CCDC175: variants seen among roughly 807,000 people sequenced by gnomAD.
CCDC175 encodes coiled-coil domain-containing protein 175.
CCDC175 carries 100 observed loss-of-function variants against 114.6 expected under a neutral mutation model. The ratio of observed to expected loss-of-function variants is 0.87; its 90% CI spans 0.74 to 1.03. The LOEUF is 1.03. CCDC175 is among the 50% of genes least tolerant of loss of function. The pLI is 0.00. For synonymous variants in CCDC175, 306 were observed against 308.7 expected (o/e 0.99, Z 0.09); for missense variants, 880 against 917.8 (o/e 0.96, Z 0.53).
In CCDC175 at chr14:59,531,819, T is replaced by C. The variant is rs183462771; in HGVS notation, c.1715A>G (p.Tyr572Cys). The C allele has an allele frequency of 1.3e-4, 200 of 1,498,754 alleles. No individual in the cohort carries two copies. The East Asian group carries it at 4.6e-3, about 35-fold the overall frequency. 92.8% of individuals were successfully genotyped at this position (1,498,754 alleles called of 1,614,324 possible). A position where few individuals can be genotyped will look rare whatever the true frequency, so the allele number is the denominator to read the frequency against. Residue 572 changes from tyrosine to cysteine, a missense_variant, in exon 14 of 20, where the codon TAT (tyrosine) becomes TGT (cysteine). Physicochemically the swap from Tyr to Cys is radical, Grantham distance 194 (BLOSUM62 -2). Coordinates refer to ENST00000537690, the MANE Select transcript of CCDC175 (RefSeq NM_001164399.2). The part of the protein sequence containing the change: ...LPQLQVAEQE[Y>C]KEKRRKLEEL... ...TTCTAACTTTCTTCTTTTCTCTTTATACTCTTGTTCTGCCACCTGAAGTTG... is the reference window on the plus strand; with the variant it reads ...TTCTAACTTTCTTCTTTTCTCTTTACACTCTTGTTCTGCCACCTGAAGTTG...
At chr14:59,570,199 C>A (rs1473753198) in intron 3 of CCDC175, among the ~76,000 whole-genome samples, 2 of 152,096 alleles carry the variant, frequency 1.3e-5, no homozygotes, top group African/African-American at 4.8e-5. Context: ...AGCTGCTGGG[C>A]ACTGTGGACT....
intron 1 of CCDC175, 53 bp from the exon 2 acceptor site, chr14:59,575,081 C>T: frequency 9.7e-7 from 1 of 1,031,910 alleles, no homozygotes; most frequent in Non-Finnish European, 1.4e-6. Flanking sequence ...CCAAATCCTA[C>T]TTAACCTTTT....
At chr14:59,514,359 A>G (rs1372432326) in intron 17 of CCDC175, among the ~76,000 whole-genome samples, 1 of 152,210 alleles carries the variant, frequency 6.6e-6, no homozygotes, top group Non-Finnish European at 1.5e-5. Context: ...CAGACGATCA[A>G]ACTACTCAGA....
intron 16 of CCDC175, among the ~76,000 whole-genome samples, chr14:59,523,780 G>C (rs534727575): frequency 1.3e-5 from 2 of 152,290 alleles, no homozygotes; most frequent in African/African-American, 2.4e-5. Context: ...ACAAGGTCAG[G>C]AGATCGAGAC....
At chr14:59,505,435 C>T (rs1188415528) in intron 19 of CCDC175, 120 bp from the exon 20 acceptor site, 5 of 380,150 alleles carry the variant, frequency 1.3e-5, no homozygotes, top group Non-Finnish European at 2.1e-5. Context: ...ATTGTATAAT[C>T]GGGGTAGAGT....
chr14:59,552,573 A>G (rs1895590688), intron 7 of CCDC175, among the ~76,000 whole-genome samples: 1 of 152,216 alleles, frequency 6.6e-6, no homozygotes, highest in East Asian at 1.9e-4. Flanking sequence ...CCCCCCCTCC[A>G]AAAGAACACA....
At chr14:59,526,371 C>T (rs10133242) in intron 15 of CCDC175, among the ~76,000 whole-genome samples, 65,391 of 151,612 alleles carry the variant, frequency 0.43, 14,645 homozygotes, top group African/African-American at 0.54. Flanking sequence ...TTTGGGAGGC[C>T]GAGGCAGGCG....
chr14:59,549,929 T>C (rs191275037), intron 8 of CCDC175, among the ~76,000 whole-genome samples: 1 of 152,062 alleles, frequency 6.6e-6, no homozygotes, highest in Admixed American at 6.5e-5. Context: ...TTTCTCTTTT[T>C]TAGAGGGACT....
At chr14:59,531,947 T>G in intron 13 of CCDC175, 37 bp from the exon 14 acceptor site, 1 of 991,268 alleles carries the variant, frequency 1.0e-6, no homozygotes, top group Non-Finnish European at 1.5e-6. Flanking sequence ...AAATATAATT[T>G]TGGATAATTC....
chr14:59,553,221 T>C (rs376527009), intron 7 of CCDC175, among the ~76,000 whole-genome samples: 8 of 152,282 alleles, frequency 5.3e-5, no homozygotes, highest in East Asian at 1.9e-4. Context: ...AGAGAAAGGT[T>C]GGGTTACCCA....
At chr14:59,512,728 T>A (rs1390294797) in intron 17 of CCDC175, among the ~76,000 whole-genome samples, 1 of 151,964 alleles carries the variant, frequency 6.6e-6, no homozygotes, top group Non-Finnish European at 1.5e-5. Context: ...GATTAGAAAA[T>A]ATAATTTCAT....
intron 7 of CCDC175, 38 bp downstream of exon 7, chr14:59,561,081 C>A (rs528458589): frequency 1.8e-4 from 185 of 1,043,924 alleles, no homozygotes; most frequent in Non-Finnish European, 2.5e-4. Flanking sequence ...ATTAACATAT[C>A]TCGAAACATT....
At chr14:59,508,440 C>T (rs1004204863) in intron 19 of CCDC175, among the ~76,000 whole-genome samples, 3 of 30,502 alleles carry the variant, frequency 9.8e-5, no homozygotes, top group Admixed American at 3.8e-4. Flanking sequence ...ACACACACTG[C>T]AGCCAGGCAC....
chr14:59,550,971 T>C (rs541975288), intron 8 of CCDC175, among the ~76,000 whole-genome samples: 73 of 152,348 alleles, frequency 4.8e-4, no homozygotes, highest in African/African-American at 1.7e-3. Flanking sequence ...CAATATGATA[T>C]ATAATATTTA....
intron 13 of CCDC175, among the ~76,000 whole-genome samples, chr14:59,535,336 TC>T (rs1245958688): frequency 1.3e-5 from 2 of 152,202 alleles, no homozygotes; most frequent in Non-Finnish European, 2.9e-5. Flanking sequence ...CTACTGATCA[TC>T]TCATCTGCCA....
intron 8 of CCDC175, among the ~76,000 whole-genome samples, chr14:59,547,061 G>C (rs147961145): frequency 6.6e-6 from 1 of 152,036 alleles, no homozygotes. Context: ...GCAACACAGG[G>C]AGAATAGGAC....
chr14:59,505,228 G>A lies in CCDC175; in HGVS notation c.*11C>T, dbSNP rs2139930208. On this transcript the variant is annotated 3_prime_UTR_variant, in exon 20 of 20. Coordinates refer to ENST00000537690, the MANE Select transcript of CCDC175 (RefSeq NM_001164399.2). Reference sequence around the variant, plus strand: ...TCTGTCTTTTGAATTCACAGCAGTTGTATCCTTGAGTTACTTTGTTAATGT... The same window carrying A: ...TCTGTCTTTTGAATTCACAGCAGTTATATCCTTGAGTTACTTTGTTAATGT... 7.1e-7 allele frequency: 1 copy of A among 1,409,648 alleles called. No individual in the cohort carries two copies. Among genetic ancestry groups the A allele is most frequent in the Non-Finnish European group, 9.5e-7 (1 of 1,047,504 alleles). 87.3% of individuals were successfully genotyped at this position (1,409,648 alleles called of 1,614,324 possible).
At chr14:59,553,516 A>T (rs1017338246) in intron 7 of CCDC175, among the ~76,000 whole-genome samples, 2 of 152,244 alleles carry the variant, frequency 1.3e-5, no homozygotes, top group African/African-American at 4.8e-5. Flanking sequence ...AAACATGCCA[A>T]ATTGTAAAGA....
At chr14:59,523,015 A>C (rs1005066662) in intron 16 of CCDC175, among the ~76,000 whole-genome samples, 5 of 152,230 alleles carry the variant, frequency 3.3e-5, no homozygotes, top group Non-Finnish European at 5.9e-5. Flanking sequence ...TGAATAAGAA[A>C]ACAGCACAGA....
Sources: allele counts gnomAD v4.1 joint callset (sites outside exome capture counted in the v4.1 genomes callset), GRCh38; gene constraint gnomAD v4.1.1; transcripts MANE v1.5; gene names NCBI Gene and HGNC (gene_info 2026-07-23, HGNC 2026-07-21).